Variants in LRP1B observed in about 807,000 individuals in gnomAD.
The protein encoded by LRP1B is LDL receptor related protein 1B, also known as low-density lipoprotein receptor-related protein 1B.
A neutral mutation model predicts 556.6 loss-of-function variants in LRP1B; 217 were observed. That is an observed-to-expected ratio of 0.39 (90% CI 0.35 to 0.44). The LOEUF is 0.44. Among genes scored for constraint, LRP1B ranks in the 20% least tolerant of loss-of-function variants. The probability of loss-of-function intolerance (pLI) is 1.00; values close to 1 mark genes in which losing one functional copy is unlikely to be tolerated. For missense variants in LRP1B, 5,053 were observed against 5,620.8 expected (o/e 0.90, Z 3.23); for synonymous variants, 2,047 against 1,865.8 (o/e 1.10, Z -2.50).
At chr2:141,319,526 A>G (rs1363010102) in intron 3 of LRP1B, among the ~76,000 whole-genome samples, 1 of 152,042 alleles carries the variant, frequency 6.6e-6, no homozygotes, top group African/African-American at 2.4e-5. Flanking sequence ...CTGCACAGCT[A>G]TAATGTCAGA....
intron 86 of LRP1B, among the ~76,000 whole-genome samples, chr2:140,256,643 A>G (rs1335946679): frequency 6.7e-6 from 1 of 150,324 alleles, no homozygotes; most frequent in Non-Finnish European, 1.5e-5. Context: ...TAATTTTTGT[A>G]TTCTTAGTAG....
intron 41 of LRP1B, among the ~76,000 whole-genome samples, chr2:140,609,330 T>A (rs180775071): frequency 8.1e-4 from 124 of 152,304 alleles, no homozygotes; most frequent in Admixed American, 5.4e-3. Context: ...CTAAATTAAG[T>A]ATTATTTAAG....
chr2:140,868,041 T>C (rs1693006351), intron 26 of LRP1B, 58 bp downstream of exon 26: 3 of 1,507,074 alleles, frequency 2.0e-6, no homozygotes, highest in East Asian at 2.3e-5. Context: ...CACTTTCCAA[T>C]GTTGTAAATA....
chr2:140,383,839 C>T (rs1338488357), intron 67 of LRP1B, among the ~76,000 whole-genome samples: 1 of 152,140 alleles, frequency 6.6e-6, no homozygotes, highest in East Asian at 1.9e-4. Flanking sequence ...GAGAACCACA[C>T]ATAATTGGGT....
At chr2:140,488,788 ATGC>A (rs1402879872) in intron 57 of LRP1B, among the ~76,000 whole-genome samples, 9 of 152,008 alleles carry the variant, frequency 5.9e-5, no homozygotes, top group Non-Finnish European at 1.2e-4. Context: ...CGTAAAGTTG[ATGC>A]TATGTCTCAA....
At chr2:141,494,208 T>G (rs1457118813) in intron 2 of LRP1B, among the ~76,000 whole-genome samples, 1 of 152,154 alleles carries the variant, frequency 6.6e-6, no homozygotes, top group Non-Finnish European at 1.5e-5. Context: ...AAATACCATA[T>G]GGTACAAGGA....
chr2:140,555,092 G>A (rs1278350969), intron 43 of LRP1B, among the ~76,000 whole-genome samples: 1 of 151,384 alleles, frequency 6.6e-6, no homozygotes, highest in Non-Finnish European at 1.5e-5. Context: ...CAACTCTCCT[G>A]GATTTTTAAT....
At chr2:140,726,896 T>C (rs186923268) in intron 35 of LRP1B, among the ~76,000 whole-genome samples, 13 of 152,278 alleles carry the variant, frequency 8.5e-5, no homozygotes, top group Admixed American at 6.5e-4. Flanking sequence ...GGACACTACA[T>C]AGAATAATTT....
chr2:140,960,507 T>G (rs1696003100), intron 18 of LRP1B, among the ~76,000 whole-genome samples: 1 of 151,662 alleles, frequency 6.6e-6, no homozygotes, highest in Non-Finnish European at 1.5e-5. Context: ...TAGCACATTT[T>G]AAAAACGTTT....
intron 1 of LRP1B, among the ~76,000 whole-genome samples, chr2:142,013,437 C>T (rs1043488823): frequency 3.9e-5 from 6 of 151,926 alleles, no homozygotes; most frequent in African/African-American, 1.5e-4. Flanking sequence ...TTGTAACAGA[C>T]TAGTGTAGAG....
chr2:142,002,811 T>G (rs940810185), intron 1 of LRP1B, among the ~76,000 whole-genome samples: 4 of 152,062 alleles, frequency 2.6e-5, no homozygotes, highest in Non-Finnish European at 5.9e-5. Context: ...AGAAGAGAGA[T>G]GTAGTGGGTG....
intron 33 of LRP1B, 74 bp from the exon 34 acceptor site, chr2:140,771,080 A>T (rs2104939902): frequency 9.2e-7 from 1 of 1,081,192 alleles, no homozygotes; most frequent in Non-Finnish European, 1.3e-6. Flanking sequence ...AACGTCAATA[A>T]TTTGACAAAT....
intron 6 of LRP1B, among the ~76,000 whole-genome samples, chr2:141,208,779 G>C (rs943413656): frequency 4.0e-5 from 6 of 150,508 alleles, no homozygotes; most frequent in African/African-American, 1.5e-4. Context: ...TGAGGCAGGA[G>C]CATGGCGTGA....
intron 1 of LRP1B, among the ~76,000 whole-genome samples, chr2:142,129,584 T>TTCTCTCTCTCTCTCTCTCTCTC (rs56034357): frequency 7.4e-6 from 1 of 134,832 alleles, no homozygotes; most frequent in African/African-American, 2.8e-5. Context: ...CTTTCTCTCT[T>TTCTCTCTCTCTCTCTCTCTCTC]TCTCTCTCTC....
In LRP1B at chr2:141,985,515, T is replaced by TG. The variant is rs1381054582; in HGVS notation, c.82+145132_82+145133insC. On this transcript the variant is annotated intron_variant, in intron 1 of 90. Coordinates refer to ENST00000389484, the MANE Select transcript of LRP1B (RefSeq NM_018557.3). The stretch of plus-strand genomic sequence containing the variant: ...CAAACAGACGAGAATTTTTATTTTT[T>TG]TGGGGGGGGTATCTTTTCCATATTC... Among the ~76,000 whole-genome samples, 84 of 144,936 alleles carry TG rather than the reference T, an allele frequency of 5.8e-4. 1 individual carries two copies. In the South Asian group the frequency reaches 0.014, roughly 24 times the overall value.
intron 1 of LRP1B, among the ~76,000 whole-genome samples, chr2:141,993,296 T>C (rs1204870717): frequency 2.0e-5 from 3 of 152,076 alleles, no homozygotes; most frequent in Admixed American, 2.0e-4. Flanking sequence ...CTGGAAACAA[T>C]GGTGACCTCT....
At chr2:140,727,490 T>C (rs1263764465) in intron 35 of LRP1B, among the ~76,000 whole-genome samples, 2 of 152,184 alleles carry the variant, frequency 1.3e-5, no homozygotes, top group East Asian at 1.9e-4. Flanking sequence ...GAAAGCAAGG[T>C]CAGTGAAGGT....
chr2:140,271,600 G>A (rs1682464866), intron 85 of LRP1B, among the ~76,000 whole-genome samples: 1 of 151,924 alleles, frequency 6.6e-6, no homozygotes, highest in Admixed American at 6.6e-5. Context: ...AGATGTTTCT[G>A]AAAAGCTTAG....
intron 25 of LRP1B, among the ~76,000 whole-genome samples, chr2:140,877,304 C>T (rs1295735827): frequency 6.6e-6 from 1 of 152,124 alleles, no homozygotes; most frequent in Non-Finnish European, 1.5e-5. Flanking sequence ...TCTCTCCCTT[C>T]TTCCCCTTAT....
Sources: allele counts gnomAD v4.1 joint callset (sites outside exome capture counted in the v4.1 genomes callset), GRCh38; gene constraint gnomAD v4.1.1; transcripts MANE v1.5; gene names NCBI Gene and HGNC (gene_info 2026-07-23, HGNC 2026-07-21).